SCN1A: variants seen among roughly 807,000 people sequenced by gnomAD.
SCN1A encodes the protein sodium voltage-gated channel alpha subunit 1.
A neutral mutation model predicts 193.7 loss-of-function variants in SCN1A; 13 were observed. The observed-to-expected ratio is 0.07, with a 90% CI of 0.04 to 0.11. The LOEUF (loss-of-function observed/expected upper bound fraction) is 0.11. Among genes scored for constraint, SCN1A ranks in the 10% least tolerant of loss-of-function variants. The pLI, the probability that SCN1A is intolerant of heterozygous loss-of-function variation, is 1.00. For synonymous variants in SCN1A, 781 were observed against 843.6 expected (o/e 0.93, Z 1.29); for missense variants, 1,432 against 2,451.1 (o/e 0.58, Z 8.78).
At chr2:166,082,478 T>C (rs2106026380) in intron 2 of SCN1A, among the ~76,000 whole-genome samples, 1 of 142,632 alleles carries the variant, frequency 7.0e-6, no homozygotes, top group Non-Finnish European at 1.6e-5. Flanking sequence ...AAGGAATTTA[T>C]ATTACTTGGA....
Position 166,045,103 on chromosome 2 carries a change from A to G in SCN1A, c.1602T>C (p.Phe534=). The G allele has an allele frequency of 6.2e-7, 1 of 1,614,188 alleles. No individual in the cohort carries two copies. Among genetic ancestry groups the G allele is most frequent in the Non-Finnish European group, 8.5e-7 (1 of 1,180,024 alleles). The change falls in exon 13 of 29, where the codon TTT becomes TTC. Residue 534 remains phenylalanine, a synonymous_variant. Transcript: ENST00000674923. ...ATCGGTTCCCTTCAATGGAGAAGCG[A>G]AAACCTTTCCTCCTGATGCTGTCCT... ...ESEDSIRRKG[F]RFSIEGNRLT... is the part of the protein sequence containing the mutation.
chr2:165,985,253 A>AAAG (rs1336923897), downstream of SCN1A: 1 of 151,626 alleles, frequency 6.6e-6, no homozygotes, highest in African/African-American at 2.4e-5. Flanking sequence ...AAAAGATATA[A>AAAG]AAGTATGGAT....
In SCN1A at chr2:166,039,770, A is replaced by G. The variant is rs1696911972; in HGVS notation, c.2416-174T>C. Among the ~76,000 whole-genome samples, 4 of 152,174 alleles carry G rather than the reference A, an allele frequency of 2.6e-5. No homozygotes were observed. In the South Asian group the frequency reaches 8.3e-4, roughly 32 times the overall value. Reference sequence around the variant, plus strand: ...ACTTTCATATACATTATTTAATTTTATCCTTGTGGAAACGCGAAGTAGATA... The same window carrying G: ...ACTTTCATATACATTATTTAATTTTGTCCTTGTGGAAACGCGAAGTAGATA... On this transcript the variant is annotated intron_variant, in intron 16 of 28. Coordinates refer to ENST00000674923, the MANE Select transcript of SCN1A (RefSeq NM_001165963.4).
chr2:166,003,224 TA>T (rs1210525485), intron 23 of SCN1A, among the ~76,000 whole-genome samples: 1 of 151,472 alleles, frequency 6.6e-6, no homozygotes, highest in Admixed American at 6.6e-5. Context: ...ATGATAAATA[TA>T]AAAAATATTA....
intron 2 of SCN1A, among the ~76,000 whole-genome samples, chr2:166,097,594 T>C (rs1463843959): frequency 6.6e-6 from 1 of 151,022 alleles, no homozygotes; most frequent in Non-Finnish European, 1.5e-5. Flanking sequence ...TGTATTCAAT[T>C]AAAAAAAAAT....
At chr2:166,071,576 T>C (rs1319238605) in intron 4 of SCN1A, 6 of 146,706 alleles carry the variant, frequency 4.1e-5, no homozygotes, top group Admixed American at 3.4e-4. Flanking sequence ...TAAAGTTGTA[T>C]AATGTTTAAA....
chr2:166,046,712 A>G, intron 12 of SCN1A, 58 bp downstream of exon 12: 6 of 1,554,482 alleles, frequency 3.9e-6, no homozygotes, highest in South Asian at 1.1e-5. Context: ...TTTCTCTTCA[A>G]TATTACGTAA....
At chr2:166,000,310 A>G (rs1476251927) in intron 24 of SCN1A, among the ~76,000 whole-genome samples, 1 of 151,796 alleles carries the variant, frequency 6.6e-6, no homozygotes, top group Non-Finnish European at 1.5e-5. Context: ...ATTTAGAAAT[A>G]CAATCCTTTT....
intron 2 of SCN1A, among the ~76,000 whole-genome samples, chr2:166,120,623 T>C (rs1401147842): frequency 9.8e-6 from 1 of 101,558 alleles, no homozygotes; most frequent in East Asian, 2.8e-4. Flanking sequence ...TTTTTTTTTT[T>C]TGAGACAGAG....
intron 2 of SCN1A, among the ~76,000 whole-genome samples, chr2:166,085,103 C>T (rs1310328985): frequency 4.6e-5 from 7 of 152,164 alleles, no homozygotes; most frequent in Admixed American, 4.6e-4. Flanking sequence ...CCCTTGCTGG[C>T]TTCAAGTCTC....
At chr2:166,147,547 A>C (rs6746010) in intron 1 of SCN1A, among the ~76,000 whole-genome samples, 122,825 of 152,084 alleles carry the variant, frequency 0.81, 50,209 homozygotes, top group African/African-American at 0.94. Context: ...CTCAAAGATT[A>C]TAAGTACAAT....
Position 166,032,202 on chromosome 2 carries a change from T to TACACACAC in SCN1A, c.3429+3838_3429+3845dup. On this transcript the variant is annotated intron_variant, in intron 19 of 28. Transcript: ENST00000674923. ...ATTCATACTTAAAGGTTGAAAGTCA[T>TACACACAC]ACACACACACACACACACACACACA... is the stretch of plus-strand genomic sequence containing the variant. 6.5e-4 allele frequency among the ~76,000 whole-genome samples: 50 copies of TACACACAC among 77,186 alleles called. 1 individual carries two copies. The highest frequency in any genetic ancestry group is 4.2e-3 in the Middle Eastern group (1 of 236). 50.6% of individuals were successfully genotyped at this position (77,186 alleles called of 152,430 possible).
chr2:166,094,001 A>AC lies in SCN1A; in HGVS notation c.-141-16201dup, dbSNP rs369000686. ...TCACATTGAGAAACTGAGTCATTCCACTTTTTCATGAAAATAGCTAAAAGA... is the reference window on the plus strand; with the variant it reads ...TCACATTGAGAAACTGAGTCATTCCACCTTTTTCATGAAAATAGCTAAAAGA... On this transcript the variant is annotated intron_variant, in intron 2 of 28. Transcript: ENST00000674923. Among the ~76,000 whole-genome samples the AC allele has an allele frequency of 3.6e-3, 555 of 152,212 alleles. 6 individuals carry two copies. Among genetic ancestry groups the AC allele is most frequent in the African/African-American group, 0.013 (522 of 41,528 alleles).
chr2:166,001,479 T>C lies in SCN1A; in HGVS notation c.4284+993A>G, dbSNP rs557997222. On this transcript the variant is annotated intron_variant, in intron 24 of 28. Coordinates refer to ENST00000674923, the MANE Select transcript of SCN1A (RefSeq NM_001165963.4). ...AGTGTTGGTTTGTTTGCTTAGTTAG[T>C]CTTCTGGTTGAACAGTTGAAATCAT... 4.6e-5 allele frequency among the ~76,000 whole-genome samples: 7 copies of C among 151,896 alleles called. No homozygotes were observed. In the South Asian group the frequency reaches 1.2e-3, roughly 27 times the overall value.
intron 12 of SCN1A, 66 bp downstream of exon 12, chr2:166,046,704 T>C: frequency 6.6e-7 from 1 of 1,515,754 alleles, no homozygotes; most frequent in Non-Finnish European, 9.2e-7. Flanking sequence ...GTACTCACTT[T>C]CTCTTCAATA....
intron 21 of SCN1A, among the ~76,000 whole-genome samples, chr2:166,013,229 G>T (rs549512570): frequency 3.3e-5 from 5 of 151,612 alleles, no homozygotes; most frequent in African/African-American, 4.8e-5. Context: ...TCTTGGGCAT[G>T]CTGCCCAATA....
At chr2:165,996,564 C>CT in intron 26 of SCN1A, among the ~76,000 whole-genome samples, 1 of 151,392 alleles carries the variant, frequency 6.6e-6, no homozygotes, top group Non-Finnish European at 1.5e-5. Context: ...AAAAGTCACT[C>CT]TAACTCTGTC....
chr2:166,133,784 C>T (rs1691752716), intron 1 of SCN1A: 1 of 152,142 alleles, frequency 6.6e-6, no homozygotes, highest in East Asian at 1.9e-4. Context: ...GCCATTATGC[C>T]TTCACTGTTC....
intron 19 of SCN1A, among the ~76,000 whole-genome samples, chr2:166,024,100 GT>G (rs1318120256): frequency 6.6e-6 from 1 of 151,990 alleles, no homozygotes; most frequent in African/African-American, 2.4e-5. Context: ...ATAGCTGGAT[GT>G]GGTGGTGCAT....
Sources: gnomAD v4.1 joint callset for allele counts (sites outside exome capture counted in the v4.1 genomes callset) on GRCh38, gnomAD v4.1.1 for gene constraint, MANE v1.5 for transcripts, NCBI Gene and HGNC (gene_info 2026-07-23, HGNC 2026-07-21) for gene names.